MAGI2: variants seen among roughly 807,000 people sequenced by gnomAD.
MAGI2 encodes membrane-associated guanylate kinase, WW and PDZ domain-containing protein 2.
MAGI2 carries 35 observed loss-of-function variants against 133.3 expected under a neutral mutation model. The ratio of observed to expected loss-of-function variants is 0.26; its 90% CI spans 0.20 to 0.35. The LOEUF (loss-of-function observed/expected upper bound fraction) is 0.35. Among genes scored for constraint, MAGI2 ranks in the 10% least tolerant of loss-of-function variants. The pLI, the probability that MAGI2 is intolerant of heterozygous loss-of-function variation, is 1.00. For missense variants in MAGI2, 1,636 were observed against 1,863.4 expected (o/e 0.88, Z 2.25); for synonymous variants, 729 against 710.6 (o/e 1.03, Z -0.41).
At chr7:78,649,222 T>TAAGAAAAAAAAAAAAAAAAAAAAA (rs1811239512) in intron 2 of MAGI2, among the ~76,000 whole-genome samples, 1 of 45,052 alleles carries the variant, frequency 2.2e-5, no homozygotes, top group Non-Finnish European at 3.8e-5. Context: ...TGACTTGTGG[T>TAAGAAAAAAAAAAAAAAAAAAAAA]AAAAAAAAAA....
At chr7:79,249,938 A>G (rs1322199036) in intron 1 of MAGI2, among the ~76,000 whole-genome samples, 4 of 152,166 alleles carry the variant, frequency 2.6e-5, no homozygotes, top group African/African-American at 7.2e-5. Flanking sequence ...TCAAAAGCAC[A>G]TTAAATCATT....
At chr7:78,460,011 C>CT (rs1399265784) in intron 6 of MAGI2, among the ~76,000 whole-genome samples, 1 of 152,178 alleles carries the variant, frequency 6.6e-6, no homozygotes, top group East Asian at 1.9e-4. Context: ...TTTTGCCTGT[C>CT]TTCTAGTGTT....
chr7:78,722,309 A>C (rs910269849), intron 2 of MAGI2, among the ~76,000 whole-genome samples: 2 of 151,966 alleles, frequency 1.3e-5, no homozygotes, highest in African/African-American at 4.8e-5. Context: ...GATATATCTA[A>C]TCATGACACT....
In MAGI2 at chr7:78,910,801, G is replaced by T. The variant is rs183655502; in HGVS notation, c.418+96289C>A. On this transcript the variant is annotated intron_variant, in intron 2 of 21. Transcript: ENST00000354212. The stretch of plus-strand genomic sequence containing the variant: ...AATGTCTCTAGTTCCTCAGGGAAAG[G>T]TTCTATTCTTGAGCAAAGTAAAATC... Among the ~76,000 whole-genome samples the T allele has an allele frequency of 1.1e-4, 17 of 152,276 alleles. No homozygotes were observed. In the East Asian group the frequency reaches 1.7e-3, roughly 16 times the overall value.
At chr7:79,199,795 G>C (rs1434075577) in intron 1 of MAGI2, among the ~76,000 whole-genome samples, 1 of 151,840 alleles carries the variant, frequency 6.6e-6, no homozygotes, top group African/African-American at 2.4e-5. Context: ...CCGGGGGAGA[G>C]GTGAGGAAAC....
In MAGI2 at chr7:78,375,702, T is replaced by C. The variant is rs146553982; in HGVS notation, c.1046-6489A>G. On this transcript the variant is annotated intron_variant, in intron 6 of 21. Coordinates refer to ENST00000354212, the MANE Select transcript of MAGI2 (RefSeq NM_012301.4). ...GTAATGTAGTGTATAGTGTATTATATGGTAATAGCTACTTATTACAAAATC... is the reference window on the plus strand; with the variant it reads ...GTAATGTAGTGTATAGTGTATTATACGGTAATAGCTACTTATTACAAAATC... 5.4e-3 allele frequency among the ~76,000 whole-genome samples: 822 copies of C among 152,268 alleles called. 5 individuals carry two copies. Among genetic ancestry groups the C allele is most frequent in the Middle Eastern group, 0.02 (6 of 294 alleles).
chr7:79,294,419 AC>A (rs1385235198), intron 1 of MAGI2, among the ~76,000 whole-genome samples: 3 of 151,304 alleles, frequency 2.0e-5, no homozygotes, highest in African/African-American at 7.3e-5. Flanking sequence ...CACCGATTGA[AC>A]CTTAGGTTAC....
chr7:79,190,278 C>T (rs1827536842), intron 1 of MAGI2, among the ~76,000 whole-genome samples: 1 of 151,872 alleles, frequency 6.6e-6, no homozygotes, highest in African/African-American at 2.4e-5. Flanking sequence ...TCCACATCCT[C>T]ACCAGCAATT....
chr7:78,693,380 C>A (rs1395632182), intron 2 of MAGI2, among the ~76,000 whole-genome samples: 1 of 152,028 alleles, frequency 6.6e-6, no homozygotes, highest in African/African-American at 2.4e-5. Flanking sequence ...GTGTTACTTA[C>A]AGTATGCTTG....
At chr7:78,181,790 A>G (rs181367237) in intron 13 of MAGI2, among the ~76,000 whole-genome samples, 55 of 152,358 alleles carry the variant, frequency 3.6e-4, no homozygotes, top group African/African-American at 1.3e-3. Flanking sequence ...AGGTATCAGG[A>G]CAACCTCTCT....
chr7:78,562,119 T>C (rs1800469732), intron 3 of MAGI2, among the ~76,000 whole-genome samples: 1 of 152,186 alleles, frequency 6.6e-6, no homozygotes, highest in African/African-American at 2.4e-5. Flanking sequence ...GTGGCAGTGA[T>C]GTACATAAAG....
At chr7:78,717,124 C>T (rs2151190870) in intron 2 of MAGI2, among the ~76,000 whole-genome samples, 1 of 152,270 alleles carries the variant, frequency 6.6e-6, no homozygotes, top group East Asian at 1.9e-4. Flanking sequence ...ACAACTGCCC[C>T]AGCCTGCAAG....
chr7:78,282,514 C>T (rs1474386559), intron 9 of MAGI2, among the ~76,000 whole-genome samples: 1 of 150,988 alleles, frequency 6.6e-6, no homozygotes, highest in Non-Finnish European at 1.5e-5. Flanking sequence ...CCCATAAAGC[C>T]AAGAATATTT....
At chr7:79,432,797 GGT>G (rs1441874239) in intron 1 of MAGI2, among the ~76,000 whole-genome samples, 1 of 152,194 alleles carries the variant, frequency 6.6e-6, no homozygotes, top group East Asian at 1.9e-4. Flanking sequence ...TGATGATAAA[GGT>G]GGAGTGTCTT....
intron 6 of MAGI2, among the ~76,000 whole-genome samples, chr7:78,449,386 C>G (rs1402306157): frequency 6.6e-6 from 1 of 151,894 alleles, no homozygotes; most frequent in Non-Finnish European, 1.5e-5. Flanking sequence ...ATTAAACTTA[C>G]AAAATATAAA....
chr7:79,372,250 G>A (rs1230855130), intron 1 of MAGI2, among the ~76,000 whole-genome samples: 1 of 152,042 alleles, frequency 6.6e-6, no homozygotes, highest in African/African-American at 2.4e-5. Flanking sequence ...CATTCTAGAG[G>A]AAAGGTTATG....
At chr7:78,450,587 CTGTG>C (rs1225932036) in intron 6 of MAGI2, among the ~76,000 whole-genome samples, 1 of 152,092 alleles carries the variant, frequency 6.6e-6, no homozygotes, top group Admixed American at 6.6e-5. Context: ...CTTAGGAAGA[CTGTG>C]TGATTAAAAC....
chr7:78,708,298 TA>T (rs760879533), intron 2 of MAGI2, among the ~76,000 whole-genome samples: 18 of 152,252 alleles, frequency 1.2e-4, no homozygotes, highest in Non-Finnish European at 2.5e-4. Flanking sequence ...GAAAAGAAAT[TA>T]TGACCTATAT....
chr7:79,367,699 C>G (rs1052701780), intron 1 of MAGI2, among the ~76,000 whole-genome samples: 1 of 151,594 alleles, frequency 6.6e-6, no homozygotes, highest in Admixed American at 6.6e-5. Context: ...GATTCTTATC[C>G]ATTTGATTCA....
Sources: gnomAD v4.1 joint callset for allele counts (sites outside exome capture counted in the v4.1 genomes callset) on GRCh38, gnomAD v4.1.1 for gene constraint, MANE v1.5 for transcripts, NCBI Gene and HGNC (gene_info 2026-07-23, HGNC 2026-07-21) for gene names.